The following IL17RA variants were observed in gnomAD, a reference collection of about 807,000 sequenced individuals.
IL17RA encodes the protein interleukin 17 receptor A.
In IL17RA, 34 loss-of-function variants were observed where a neutral mutation model predicts 50.4. The observed-to-expected ratio is 0.67, with a 90% CI of 0.51 to 0.90. The LOEUF (loss-of-function observed/expected upper bound fraction) is 0.90. IL17RA is among the 40% of genes least tolerant of loss of function. The pLI is 0.00. For synonymous variants in IL17RA, 585 were observed against 510.4 expected (o/e 1.15, Z -1.97); for missense variants, 1,276 against 1,169.8 (o/e 1.09, Z -1.32).
rs9606617 is a variant in IL17RA at position 17,113,582 on chromosome 22, G to A, written c.*3762G>A. The A allele has an allele frequency of 0.21, 31,402 of 152,258 alleles. 3,456 individuals are homozygous for A. Among genetic ancestry groups the A allele is most frequent in the Middle Eastern group, 0.29 (87 of 296 alleles). 9.4% of individuals were successfully genotyped at this position (152,258 alleles called of 1,614,324 possible). On this transcript the variant is annotated 3_prime_UTR_variant, in exon 13 of 13. Coordinates refer to ENST00000319363, the MANE Select transcript of IL17RA (RefSeq NM_014339.7). ...TGCAGTGGGTGGTTTTAACTCTATA[G>A]CCTTTGGGCTCTGTGGTTGGTGCTC...
intron 1 of IL17RA, among the ~76,000 whole-genome samples, chr22:17,094,894 A>G (rs976297559): frequency 3.3e-5 from 5 of 151,546 alleles, no homozygotes; most frequent in African/African-American, 1.2e-4. Flanking sequence ...CATAGTAGAT[A>G]GCAATCTATT....
chr22:17,097,716 T>G, intron 2 of IL17RA, 81 bp from the exon 3 acceptor site: 1 of 1,579,400 alleles, frequency 6.3e-7, no homozygotes, highest in Non-Finnish European at 8.7e-7. Flanking sequence ...CTGTTTGCTG[T>G]CTAGCTGTCT....
rs1459943615 is a variant in IL17RA at position 17,115,289 on chromosome 22, A to T, written c.*5469A>T. On this transcript the variant is annotated 3_prime_UTR_variant, in exon 13 of 13. Coordinates refer to ENST00000319363, the MANE Select transcript of IL17RA (RefSeq NM_014339.7). ...TTCTATGTAAATTTTGTTCCTTGTT[A>T]CAATTATATATGTCTTAGGGGAAAG... 6.6e-6 allele frequency: 1 copy of T among 152,234 alleles called. No individual in the cohort carries two copies. The highest frequency in any genetic ancestry group is 2.4e-5 in the African/African-American group (1 of 41,468). The allele number at this position is 152,234 out of a possible 1,614,324, so 9.4% of individuals were successfully genotyped here. A position where few individuals can be genotyped will look rare whatever the true frequency, so the allele number is the denominator to read the frequency against.
rs1054369086 is a variant in IL17RA, at chr22:17,104,901, G to GGTGA, written c.931+92_931+95dup. ...GCTGCGTCCTTACCTGGTTCTGAGG[G>GGTGA]GTGATTAGGGAGGAGAGTTTAGTTT... On this transcript the variant is annotated intron_variant, in intron 9 of 12. Transcript: ENST00000319363. The GGTGA allele has an allele frequency of 1.7e-4, 205 of 1,222,416 alleles. No individual in the cohort carries two copies. The African/African-American group carries it at 2.8e-3, about 17-fold the overall frequency. 75.7% of individuals were successfully genotyped at this position (1,222,416 alleles called of 1,614,324 possible).
In IL17RA at chr22:17,102,308, T is replaced by C. The variant is rs377570438; in HGVS notation, c.762+6T>C. On this transcript the variant is annotated splice_donor_region_variant and intron_variant, in intron 7 of 12. Transcript: ENST00000319363. ...ACATGCACCACATACCTGCGGTAAC[T>C]CTGCTCTTTTTGACCCCTCTAGCAT... 6 of 1,614,018 alleles carry C rather than the reference T, an allele frequency of 3.7e-6. No individual in the cohort carries two copies. The highest frequency in any genetic ancestry group is 5.1e-6 in the Non-Finnish European group (6 of 1,180,024).
In IL17RA at chr22:17,100,475, G is replaced by C. The variant is rs1312675148; in HGVS notation, c.544G>C (p.Val182Leu). ...DPNHQSKNFL[V>L]PDCEHARMKV... ...AAACCACCAGTCCAAGAATTTCCTT[G>C]TGCCTGGTAAGAGCATCCTCCCAAG... The change falls in exon 5 of 13, where the codon GTG becomes CTG. Residue 182 changes from valine (V) to leucine (L), a missense_variant. Physicochemically the swap from Val to Leu is conservative, Grantham distance 32. Coordinates refer to ENST00000319363, the MANE Select transcript of IL17RA (RefSeq NM_014339.7). The C allele has an allele frequency of 6.2e-7, 1 of 1,614,076 alleles. No homozygotes were observed. The highest frequency in any genetic ancestry group is 1.6e-4 in the Middle Eastern group (1 of 6,062).
intron 1 of IL17RA, among the ~76,000 whole-genome samples, chr22:17,096,743 G>A (rs1297155243): frequency 1.8e-4 from 27 of 151,966 alleles, no homozygotes; most frequent in African/African-American, 3.1e-4. Flanking sequence ...GGTGGCGGGC[G>A]CCTGTAGTCC....
At chr22:17,090,973 C>T (rs1160946158) in intron 1 of IL17RA, among the ~76,000 whole-genome samples, 3 of 152,164 alleles carry the variant, frequency 2.0e-5, no homozygotes, top group African/African-American at 4.8e-5. Flanking sequence ...TTCCATCCCC[C>T]GCTTTCCCCA....
chr22:17,093,453 C>T (rs763954138), intron 1 of IL17RA, among the ~76,000 whole-genome samples: 1 of 152,326 alleles, frequency 6.6e-6, no homozygotes, highest in Non-Finnish European at 1.5e-5. Context: ...TGAGGGGCCC[C>T]TGGCCTCCTT....
intron 1 of IL17RA, among the ~76,000 whole-genome samples, chr22:17,091,442 C>T (rs867750558): frequency 7.0e-4 from 106 of 152,110 alleles, no homozygotes; most frequent in African/African-American, 2.3e-3. Flanking sequence ...TTTGGGAGGC[C>T]GAGGCGGGCG....
At chr22:17,096,558 C>T (rs1167557169) in intron 1 of IL17RA, among the ~76,000 whole-genome samples, 2 of 152,162 alleles carry the variant, frequency 1.3e-5, no homozygotes, top group Non-Finnish European at 2.9e-5. Context: ...GGTCCCAGCT[C>T]ATAGCAGTTC....
intron 1 of IL17RA, among the ~76,000 whole-genome samples, chr22:17,096,571 C>T (rs2061368908): frequency 1.3e-5 from 2 of 152,136 alleles, no homozygotes; most frequent in South Asian, 4.1e-4. Context: ...AGCAGTTCCT[C>T]ATAAAATACC....
rs1403586453 is a variant in IL17RA, at chr22:17,109,970, A to C, written c.*150A>C. 2.5e-6 allele frequency: 2 copies of C among 814,264 alleles called. No individual in the cohort carries two copies. Among genetic ancestry groups the C allele is most frequent in the Non-Finnish European group, 3.8e-6 (2 of 524,980 alleles). The allele number at this position is 814,264 out of a possible 1,614,324, so 50.4% of individuals were successfully genotyped here. On this transcript the variant is annotated 3_prime_UTR_variant, in exon 13 of 13. Transcript: ENST00000319363. The stretch of plus-strand genomic sequence containing the variant: ...AAATGTCTGGATTTTAATCCCAGGC[A>C]TCCCTCCTAACTTTTCTTTGTGCAG...
chr22:17,105,640 CAG>C (rs769458645), intron 10 of IL17RA, 38 bp downstream of exon 10: 60 of 1,610,540 alleles, frequency 3.7e-5, no homozygotes, highest in Non-Finnish European at 4.9e-5. Flanking sequence ...CTGCAGCCCT[CAG>C]GGGACATTCC....
Position 17,097,853 on chromosome 22 carries a change from A to G in IL17RA, c.220A>G (p.Lys74Glu), listed in dbSNP as rs752964419. 24 of 1,613,950 alleles carry G rather than the reference A, an allele frequency of 1.5e-5. No individual in the cohort carries two copies. The highest frequency in any genetic ancestry group is 1.9e-5 in the Non-Finnish European group (23 of 1,179,994). The change falls in exon 3 of 13, where the codon AAG (lysine) becomes GAG (glutamate). Residue 74 changes from lysine (K) to glutamate (E), a missense_variant. Physicochemically the swap from Lys to Glu is moderately conservative, Grantham distance 56. Transcript: ENST00000319363. Reference sequence around the variant, plus strand: ...TCGAAACCTGACCCCCTCCTCCCCAAAGGACCTGCAGATCCAGCTGCACTT... The same window carrying G: ...TCGAAACCTGACCCCCTCCTCCCCAGAGGACCTGCAGATCCAGCTGCACTT... Reference protein sequence around the residue: ...HPRNLTPSSPKDLQIQLHFAH... With the variant: ...HPRNLTPSSPEDLQIQLHFAH...
chr22:17,085,346 C>T lies in IL17RA; in HGVS notation c.138+117C>T, dbSNP rs2061323047. 6.7e-6 allele frequency: 10 copies of T among 1,482,586 alleles called. No homozygotes were observed. The Admixed American group carries it at 1.3e-4, about 19-fold the overall frequency. The allele number at this position is 1,482,586 out of a possible 1,614,324, so 91.8% of individuals were successfully genotyped here. The stretch of plus-strand genomic sequence containing the variant: ...GGCTGGGGAGGCAGGAAGTCCGCGC[C>T]GCGGGCTTAGAGGGGCTCAGAGCCT... On this transcript the variant is annotated intron_variant, in intron 1 of 12. Transcript: ENST00000319363.
At chr22:17,085,328 G>GTGC in intron 1 of IL17RA, 99 bp downstream of exon 1, 2 of 1,504,460 alleles carry the variant, frequency 1.3e-6, no homozygotes, top group Non-Finnish European at 1.8e-6. Flanking sequence ...CCGGGCTGGG[G>GTGC]AGGCAGGAAG....
rs562214049 is a variant in IL17RA at position 17,114,891 on chromosome 22, G to A, written c.*5071G>A. On this transcript the variant is annotated 3_prime_UTR_variant, in exon 13 of 13. Transcript: ENST00000319363. ...TTGTGCCAGCTACCTCCTCTTTCTC[G>A]GCCTCAGGAAAATGGAGAGAAAGCA... The A allele has an allele frequency of 3.3e-5, 5 of 152,314 alleles. No individual in the cohort carries two copies. In the East Asian group the frequency reaches 5.8e-4, roughly 18 times the overall value. 9.4% of individuals were successfully genotyped at this position (152,314 alleles called of 1,614,324 possible). A position where few individuals can be genotyped will look rare whatever the true frequency, so the allele number is the denominator to read the frequency against.
Position 17,099,982 on chromosome 22 carries a change from C to T in IL17RA, c.424-373C>T, listed in dbSNP as rs186627199. 1.2e-4 allele frequency among the ~76,000 whole-genome samples: 19 copies of T among 152,208 alleles called. No homozygotes were observed. The South Asian group carries it at 2.7e-3, about 22-fold the overall frequency. ...TGACAAATAGTTTTTACCTGCCTGGCGTGTGCCAGATCTCCATAGCCCCAA... is the reference window on the plus strand; with the variant it reads ...TGACAAATAGTTTTTACCTGCCTGGTGTGTGCCAGATCTCCATAGCCCCAA... On this transcript the variant is annotated intron_variant, in intron 4 of 12. Transcript: ENST00000319363.
Sources: allele counts gnomAD v4.1 joint callset (sites outside exome capture counted in the v4.1 genomes callset), GRCh38; gene constraint gnomAD v4.1.1; transcripts MANE v1.5; gene names NCBI Gene and HGNC (gene_info 2026-07-23, HGNC 2026-07-21).